Variants in RBPMS observed in about 807,000 individuals in gnomAD.
RBPMS encodes the protein RNA binding protein, mRNA processing factor.
Under a neutral mutation model 26.8 loss-of-function variants are expected in RBPMS, and 7 were observed. The ratio of observed to expected loss-of-function variants is 0.26; its 90% CI spans 0.15 to 0.49. RBPMS has a LOEUF of 0.49. RBPMS is among the 20% of genes least tolerant of loss of function. The pLI is 0.98. For missense variants in RBPMS, 186 were observed against 250.0 expected, an observed-to-expected ratio of 0.74 and a Z score of 1.73; for synonymous variants, 96 against 93.3, an observed-to-expected ratio of 1.03 and a Z score of -0.17.
intron 7 of RBPMS, among the ~76,000 whole-genome samples, chr8:30,562,451 T>C (rs1827578667): frequency 6.6e-6 from 1 of 152,004 alleles, no homozygotes; most frequent in Non-Finnish European, 1.5e-5. Context: ...GGAAGGAGTA[T>C]GGATAATGGT....
chr8:30,481,814 T>G (rs1818310780), intron 4 of RBPMS, among the ~76,000 whole-genome samples: 2 of 152,228 alleles, frequency 1.3e-5, no homozygotes, highest in African/African-American at 4.8e-5. Flanking sequence ...TTTGAACTTT[T>G]CTATGTAAAG....
chr8:30,480,058 G>A (rs977136664), intron 4 of RBPMS, among the ~76,000 whole-genome samples: 1 of 152,204 alleles, frequency 6.6e-6, no homozygotes, highest in Non-Finnish European at 1.5e-5. Context: ...AACTAAGTTA[G>A]AGAAGGTGGA....
chr8:30,511,482 AAAAAAT>A (rs1821635198), intron 5 of RBPMS, among the ~76,000 whole-genome samples: 10 of 6,784 alleles, frequency 1.5e-3, no homozygotes, highest in Non-Finnish European at 4.2e-3. Context: ...AAAAAAAAAA[AAAAAAT>A]ATATATATAT....
At chr8:30,477,683 A>C in intron 2 of RBPMS, 116 bp from the exon 3 acceptor site, 1 of 711,738 alleles carries the variant, frequency 1.4e-6, no homozygotes, top group South Asian at 1.7e-5. Context: ...TTCCCAGATA[A>C]CTTAGGAGAC....
At chr8:30,550,406 G>T (rs1034332895) in intron 6 of RBPMS, among the ~76,000 whole-genome samples, 3 of 152,180 alleles carry the variant, frequency 2.0e-5, no homozygotes, top group African/African-American at 7.2e-5. Context: ...CGGCATATTA[G>T]AAGGGCTTCA....
At chr8:30,502,906 G>A (rs912859471) in intron 4 of RBPMS, among the ~76,000 whole-genome samples, 26 of 152,006 alleles carry the variant, frequency 1.7e-4, no homozygotes, top group African/African-American at 4.8e-5. Context: ...TAAAGAAAAT[G>A]TTCTTATGTT....
At chr8:30,426,704 A>G (rs1285262877) in intron 1 of RBPMS, among the ~76,000 whole-genome samples, 1 of 115,222 alleles carries the variant, frequency 8.7e-6, no homozygotes, top group African/African-American at 3.4e-5. Flanking sequence ...TTTGCTTACT[A>G]TGTCTTGGGG....
intron 8 of RBPMS, among the ~76,000 whole-genome samples, chr8:30,568,058 A>G (rs1374591815): frequency 1.3e-5 from 2 of 152,254 alleles, no homozygotes; most frequent in Non-Finnish European, 2.9e-5. Flanking sequence ...CCATGCCCCT[A>G]GAGGCTCCAG....
chr8:30,559,020 C>G lies in RBPMS; in HGVS notation c.*7+64C>G, dbSNP rs570297633. On this transcript the variant is annotated intron_variant, in intron 7 of 8. Coordinates refer to ENST00000397323, the MANE Select transcript of RBPMS (RefSeq NM_001008710.3). The stretch of plus-strand genomic sequence containing the variant: ...AGAACACATCTGTACATGGTGGGTG[C>G]GCCATGAACGCAGCTCTCCTCCTTT... 5 of 1,330,082 alleles carry G rather than the reference C, an allele frequency of 3.8e-6. No homozygotes were observed. The East Asian group carries it at 1.2e-4, about 31-fold the overall frequency. The allele number at this position is 1,330,082 out of a possible 1,614,324, so 82.4% of individuals were successfully genotyped here.
At chr8:30,488,448 G>A (rs1165345613) in intron 4 of RBPMS, among the ~76,000 whole-genome samples, 2 of 152,214 alleles carry the variant, frequency 1.3e-5, no homozygotes, top group East Asian at 3.8e-4. Flanking sequence ...GGTTATTTAA[G>A]ATTACAGGTG....
intron 1 of RBPMS, among the ~76,000 whole-genome samples, chr8:30,442,035 G>A (rs1813140409): frequency 6.6e-6 from 1 of 151,998 alleles, no homozygotes; most frequent in African/African-American, 2.4e-5. Context: ...TGATCCGCCC[G>A]CCTCAGCCTC....
chr8:30,426,918 TG>T (rs1811426771), intron 1 of RBPMS, among the ~76,000 whole-genome samples: 1 of 152,116 alleles, frequency 6.6e-6, no homozygotes, highest in Admixed American at 6.5e-5. Flanking sequence ...TTAGAGTATA[TG>T]GCAATTCAAC....
intron 5 of RBPMS, among the ~76,000 whole-genome samples, chr8:30,518,415 C>T (rs999635329): frequency 6.6e-6 from 1 of 151,858 alleles, no homozygotes; most frequent in Non-Finnish European, 1.5e-5. Context: ...TTCATTCATT[C>T]ATTGGTTATT....
At chr8:30,569,306 G>A (rs775376173) in intron 8 of RBPMS, among the ~76,000 whole-genome samples, 3 of 152,186 alleles carry the variant, frequency 2.0e-5, no homozygotes, top group Non-Finnish European at 2.9e-5. Context: ...GCAAGTGACT[G>A]GGGTTTGAGG....
chr8:30,479,505 TTTAA>T (rs1818053244), intron 4 of RBPMS, 128 bp downstream of exon 4: 5 of 741,066 alleles, frequency 6.7e-6, no homozygotes, highest in South Asian at 3.1e-5. Context: ...GATTCATCAA[TTTAA>T]TTAGCACTCT....
chr8:30,468,674 CTG>C (rs1259606521), intron 1 of RBPMS, among the ~76,000 whole-genome samples: 1 of 152,146 alleles, frequency 6.6e-6, no homozygotes, highest in East Asian at 1.9e-4. Context: ...GTGCCTAGGA[CTG>C]TGTTATACAC....
intron 4 of RBPMS, among the ~76,000 whole-genome samples, chr8:30,491,973 C>T (rs781320490): frequency 3.3e-5 from 5 of 152,148 alleles, no homozygotes; most frequent in Non-Finnish European, 5.9e-5. Context: ...TCACTGCAAT[C>T]TCCGGCCTCC....
chr8:30,498,240 G>C (rs760194612), intron 4 of RBPMS, among the ~76,000 whole-genome samples: 1 of 151,944 alleles, frequency 6.6e-6, no homozygotes, highest in Non-Finnish European at 1.5e-5. Flanking sequence ...TCCCAGAGGA[G>C]GTAGAGCCTT....
At chr8:30,459,507 C>T (rs1310172456) in intron 1 of RBPMS, among the ~76,000 whole-genome samples, 1 of 152,106 alleles carries the variant, frequency 6.6e-6, no homozygotes, top group Non-Finnish European at 1.5e-5. Context: ...GCTCGATTGA[C>T]AGGTTCTCAA....
Sources: gnomAD v4.1 joint callset for allele counts (sites outside exome capture counted in the v4.1 genomes callset) on GRCh38, gnomAD v4.1.1 for gene constraint, MANE v1.5 for transcripts, NCBI Gene and HGNC (gene_info 2026-07-23, HGNC 2026-07-21) for gene names.